The following CPNE8 variants were observed in gnomAD, a reference collection of about 807,000 sequenced individuals.
The protein encoded by CPNE8 is copine 8.
In CPNE8, 45 loss-of-function variants were observed where a neutral mutation model predicts 81.5. That is an observed-to-expected ratio of 0.55 (90% CI 0.44 to 0.71). The LOEUF is 0.71. CPNE8 is among the 30% of genes least tolerant of loss of function. The pLI is 0.00. For synonymous variants in CPNE8, 252 were observed against 226.3 expected (o/e 1.11, Z -1.02); for missense variants, 594 against 672.1 (o/e 0.88, Z 1.28).
chr12:38,679,190 G>C (rs964559865), intron 16 of CPNE8, among the ~76,000 whole-genome samples: 1 of 151,614 alleles, frequency 6.6e-6, no homozygotes, highest in Non-Finnish European at 1.5e-5. Context: ...TTACCAAATG[G>C]TACTCTCAAA....
intron 3 of CPNE8, among the ~76,000 whole-genome samples, chr12:38,868,415 C>G (rs1457100415): frequency 6.6e-6 from 1 of 152,062 alleles, no homozygotes; most frequent in Non-Finnish European, 1.5e-5. Context: ...AGCTTTGCTA[C>G]TTTTCATACT....
At chr12:38,873,516 T>A (rs1042835953) in intron 2 of CPNE8, among the ~76,000 whole-genome samples, 34 of 152,256 alleles carry the variant, frequency 2.2e-4, no homozygotes, top group African/African-American at 8.2e-4. Context: ...AGAAATCCTG[T>A]CAACCAAGAA....
At chr12:38,706,944 C>T (rs1336166091) in intron 13 of CPNE8, among the ~76,000 whole-genome samples, 1 of 152,172 alleles carries the variant, frequency 6.6e-6, no homozygotes, top group Admixed American at 6.6e-5. Flanking sequence ...CTCTCAAAGA[C>T]AAAGTTGTCC....
At chr12:38,856,497 G>T (rs900991395) in intron 3 of CPNE8, among the ~76,000 whole-genome samples, 1 of 152,044 alleles carries the variant, frequency 6.6e-6, no homozygotes, top group African/African-American at 2.4e-5. Context: ...ACATTAAAAG[G>T]ATCATCCTTG....
intron 6 of CPNE8, among the ~76,000 whole-genome samples, chr12:38,797,928 CAA>C (rs1336768459): frequency 6.6e-6 from 1 of 151,816 alleles, no homozygotes; most frequent in Non-Finnish European, 1.5e-5. Context: ...CTGATGTGAT[CAA>C]CTAGAAGAAA....
chr12:38,776,902 C>T (rs1256199330), intron 6 of CPNE8, among the ~76,000 whole-genome samples: 1 of 151,674 alleles, frequency 6.6e-6, no homozygotes, highest in Admixed American at 6.6e-5. Context: ...GCCAGTCATA[C>T]AAAGTATGTA....
At chr12:38,719,266 TA>T (rs751366837) in intron 13 of CPNE8, among the ~76,000 whole-genome samples, 14 of 152,282 alleles carry the variant, frequency 9.2e-5, no homozygotes, top group Non-Finnish European at 1.6e-4. Context: ...ATGACCAAGC[TA>T]GATCTCTTTA....
At chr12:38,834,285 T>A (rs1451750412) in intron 5 of CPNE8, among the ~76,000 whole-genome samples, 1 of 152,190 alleles carries the variant, frequency 6.6e-6, no homozygotes, top group African/African-American at 2.4e-5. Flanking sequence ...CACTGCCTAA[T>A]CAATATCTCC....
chr12:38,869,995 AATTG>A (rs1943967514), intron 3 of CPNE8, among the ~76,000 whole-genome samples: 1 of 152,226 alleles, frequency 6.6e-6, no homozygotes. Context: ...AAGCCCCAAA[AATTG>A]ATTGGTAAAG....
chr12:38,666,523 A>T (rs893268552), intron 19 of CPNE8, among the ~76,000 whole-genome samples: 3 of 152,202 alleles, frequency 2.0e-5, no homozygotes, highest in Non-Finnish European at 4.4e-5. Context: ...GGGCTGTGTG[A>T]CAGGCTATAC....
At chr12:38,852,513 A>G (rs1347646083) in intron 3 of CPNE8, among the ~76,000 whole-genome samples, 2 of 151,784 alleles carry the variant, frequency 1.3e-5, no homozygotes, top group Non-Finnish European at 2.9e-5. Flanking sequence ...GAGGCAGGAG[A>G]ATCACTTGAA....
intron 11 of CPNE8, among the ~76,000 whole-genome samples, chr12:38,729,576 C>G (rs1235423682): frequency 3.9e-5 from 6 of 151,982 alleles, no homozygotes; most frequent in Non-Finnish European, 8.8e-5. Context: ...ATTTCTCACT[C>G]TCTACTTAAC....
intron 18 of CPNE8, among the ~76,000 whole-genome samples, chr12:38,673,629 A>C (rs1328355202): frequency 6.6e-6 from 1 of 152,146 alleles, no homozygotes; most frequent in African/African-American, 2.4e-5. Context: ...AACTTCCATC[A>C]TGGTGAAAAC....
At position 38,798,803 on chromosome 12, in the gene CPNE8, T is replaced by A. The variant is rs183320553; in HGVS notation, c.408-22502A>T. Among the ~76,000 whole-genome samples the A allele has an allele frequency of 6.2e-4, 95 of 152,164 alleles. 1 individual carries two copies. The East Asian group carries it at 0.013, about 21-fold the overall frequency. ...ATCAGTGTGCTGTATTCAGGAAACC[T>A]ATCTCACATGCAGAGACACACATAG... On this transcript the variant is annotated intron_variant, in intron 6 of 19. Coordinates refer to ENST00000331366, the MANE Select transcript of CPNE8 (RefSeq NM_153634.3).
chr12:38,741,707 A>T (rs1941109667), intron 10 of CPNE8, among the ~76,000 whole-genome samples: 1 of 152,218 alleles, frequency 6.6e-6, no homozygotes, highest in Admixed American at 6.5e-5. Context: ...CTGCACAGCA[A>T]AAGAAACTAC....
chr12:38,674,501 T>G (rs1939246695), intron 18 of CPNE8, among the ~76,000 whole-genome samples: 6 of 152,194 alleles, frequency 3.9e-5, no homozygotes. Flanking sequence ...GATTATCAAG[T>G]GTGCAAAGCA....
chr12:38,894,584 A>G (rs1289126926), intron 1 of CPNE8, among the ~76,000 whole-genome samples: 1 of 151,818 alleles, frequency 6.6e-6, no homozygotes, highest in African/African-American at 2.4e-5. Flanking sequence ...AGATGGGTTT[A>G]GCAAATACAT....
chr12:38,690,066 C>T (rs565444646), intron 15 of CPNE8, among the ~76,000 whole-genome samples: 39 of 152,244 alleles, frequency 2.6e-4, no homozygotes, highest in African/African-American at 4.1e-4. Context: ...AAAACTTATA[C>T]ACTGGGGGTA....
chr12:38,835,812 C>T (rs559043586), intron 5 of CPNE8, among the ~76,000 whole-genome samples: 1 of 152,016 alleles, frequency 6.6e-6, no homozygotes, highest in East Asian at 1.9e-4. Context: ...AAAATATACA[C>T]CTTCACTGAA....
Sources: gnomAD v4.1 joint callset for allele counts (sites outside exome capture counted in the v4.1 genomes callset) on GRCh38, gnomAD v4.1.1 for gene constraint, MANE v1.5 for transcripts, NCBI Gene and HGNC (gene_info 2026-07-23, HGNC 2026-07-21) for gene names.